Variants in ZNF157 observed in about 807,000 individuals in gnomAD.
ZNF157 encodes the protein zinc finger protein 157, also known as zinc finger protein 22.
Under a neutral mutation model 9.4 loss-of-function variants are expected in ZNF157, and 8 were observed. The ratio of observed to expected loss-of-function variants is 0.85; its 90% confidence interval spans 0.50 to 1.53. The LOEUF is 1.53. Among genes scored for constraint, ZNF157 ranks in the 40% most tolerant of loss-of-function variants. The probability of loss-of-function intolerance (pLI) is 0.00; values close to 1 mark genes in which losing one functional copy is unlikely to be tolerated. For missense variants in ZNF157, 316 were observed against 385.2 expected (o/e 0.82, Z 1.50); for synonymous variants, 120 against 130.8 (o/e 0.92, Z 0.56).
Position 47,413,631 on chromosome X carries a change from C to A in ZNF157, c.*37C>A, listed in dbSNP as rs773511902. 1 of 1,153,994 alleles carries A rather than the reference C, an allele frequency of 8.7e-7. No homozygotes were observed. Among genetic ancestry groups the A allele is most frequent in the East Asian group, 3.0e-5 (1 of 33,388 alleles). The stretch of plus-strand genomic sequence containing the variant: ...ACCATTGGATCAAGCTCCTTGGGGG[C>A]ATATGATCACCAGGGCACACAGTGT... On this transcript the variant is annotated 3_prime_UTR_variant, in exon 4 of 4. Coordinates refer to ENST00000377073, the MANE Select transcript of ZNF157 (RefSeq NM_003446.4).
rs749279958 is a variant in ZNF157, at chrX:47,371,617, A to AT, written c.72+885dup. ...CTAACAGTATATCAATAGTTCATTC[A>AT]TTTTTTTTGAGACAGAGTCTTGCCC... On this transcript the variant is annotated intron_variant, in intron 1 of 3. Coordinates refer to ENST00000377073, the MANE Select transcript of ZNF157 (RefSeq NM_003446.4). 1.2e-4 allele frequency among the ~76,000 whole-genome samples: 13 copies of AT among 110,978 alleles called. 1 individual carries two copies. The highest frequency in any genetic ancestry group is 2.3e-4 in the Non-Finnish European group (12 of 52,894).
chrX:47,378,902 G>A (rs1268628909), intron 1 of ZNF157, among the ~76,000 whole-genome samples: 1 of 111,304 alleles, frequency 9.0e-6, no homozygotes, highest in Non-Finnish European at 1.9e-5. Context: ...AGGGTAGTTT[G>A]GAGGTTAGAA....
At chrX:47,400,058 G>A (rs1024569339) in intron 1 of ZNF157, among the ~76,000 whole-genome samples, 8 of 102,342 alleles carry the variant, frequency 7.8e-5, no homozygotes, top group African/African-American at 1.1e-4. Context: ...GTGCAGTGGC[G>A]CAATTTCGGC....
intron 3 of ZNF157, among the ~76,000 whole-genome samples, chrX:47,411,333 C>T (rs1331714936): frequency 9.1e-6 from 1 of 109,675 alleles, no homozygotes; most frequent in African/African-American, 3.3e-5. Flanking sequence ...TTTATCTCTG[C>T]CTCATCTTAA....
Position 47,413,748 on chromosome X carries a change from T to C in ZNF157, c.*154T>C. On this transcript the variant is annotated 3_prime_UTR_variant, in exon 4 of 4. Transcript: ENST00000377073. The stretch of plus-strand genomic sequence containing the variant: ...TTGTTTTTATTCAGATTTCCCTAAT[T>C]AGTGGTGTGTGAACATCTTATCTGT... 1.1e-6 allele frequency: 1 copy of C among 917,352 alleles called. No homozygotes were observed. The highest frequency in any genetic ancestry group is 3.5e-5 in the South Asian group (1 of 28,179). The allele number at this position is 917,352 out of a possible 1,213,427, so 75.6% of individuals were successfully genotyped here.
intron 1 of ZNF157, among the ~76,000 whole-genome samples, chrX:47,399,376 G>C (rs1389811092): frequency 8.9e-6 from 1 of 111,827 alleles, no homozygotes; most frequent in East Asian, 2.8e-4. Context: ...TATTTTTAAA[G>C]TATAGTTACA....
chrX:47,373,807 C>A (rs1384955682), intron 1 of ZNF157, among the ~76,000 whole-genome samples: 3 of 107,106 alleles, frequency 2.8e-5, no homozygotes, highest in African/African-American at 1.0e-4. Context: ...TTCAAGTGAT[C>A]CTTCCAAGTA....
intron 1 of ZNF157, among the ~76,000 whole-genome samples, chrX:47,378,891 A>G (rs2055852968): frequency 9.0e-6 from 1 of 111,256 alleles, no homozygotes; most frequent in South Asian, 3.8e-4. Flanking sequence ...AGGAATGAAC[A>G]AGGGTAGTTT....
chrX:47,376,431 A>G (rs756136578), intron 1 of ZNF157, among the ~76,000 whole-genome samples: 1 of 111,660 alleles, frequency 9.0e-6, no homozygotes, highest in African/African-American at 3.2e-5. Flanking sequence ...CCTGGCCAAC[A>G]TGGTGAAATC....
chrX:47,386,977 G>A (rs151287011), intron 1 of ZNF157, among the ~76,000 whole-genome samples: 2,103 of 109,870 alleles, frequency 0.019, 19 homozygotes, highest in Middle Eastern at 0.033. Flanking sequence ...TTTTGTTTTT[G>A]TTTTTTTTGA....
intron 1 of ZNF157, among the ~76,000 whole-genome samples, chrX:47,386,758 C>G (rs2055880747): frequency 1.8e-5 from 2 of 111,547 alleles, no homozygotes; most frequent in African/African-American, 6.5e-5. Context: ...CGCCACCCGG[C>G]TCCCAATTTG....
At chrX:47,378,922 AGTTGGTTTAG>A (rs1452036551) in intron 1 of ZNF157, among the ~76,000 whole-genome samples, 5 of 111,248 alleles carry the variant, frequency 4.5e-5, no homozygotes, top group Admixed American at 9.7e-5. Flanking sequence ...AGCAAGACGG[AGTTGGTTTAG>A]GTTGGATCTC....
At chrX:47,410,497 G>C in intron 2 of ZNF157, 95 bp downstream of exon 2, 1 of 1,080,200 alleles carries the variant, frequency 9.3e-7, no homozygotes, top group Non-Finnish European at 1.3e-6. Context: ...ATGATATTAA[G>C]AGTCACAGAT....
At chrX:47,407,712 A>C (rs1405074597) in intron 1 of ZNF157, among the ~76,000 whole-genome samples, 5 of 109,188 alleles carry the variant, frequency 4.6e-5, no homozygotes, top group African/African-American at 1.7e-4. Flanking sequence ...TTTTTTTGAG[A>C]TGGAGCTTGG....
chrX:47,395,388 C>T (rs1202259804), intron 1 of ZNF157, among the ~76,000 whole-genome samples: 1 of 111,628 alleles, frequency 9.0e-6, no homozygotes, highest in Non-Finnish European at 1.9e-5. Flanking sequence ...AATACCTTCA[C>T]AGCAACACCT....
intron 1 of ZNF157, among the ~76,000 whole-genome samples, chrX:47,375,932 C>A (rs1050793976): frequency 2.7e-5 from 3 of 111,300 alleles, no homozygotes; most frequent in African/African-American, 9.8e-5. Context: ...TGGGCTCAAG[C>A]AATTTGCCCA....
At chrX:47,387,700 G>A (rs1190219646) in intron 1 of ZNF157, among the ~76,000 whole-genome samples, 1 of 108,002 alleles carries the variant, frequency 9.3e-6, no homozygotes, top group Non-Finnish European at 1.9e-5. Context: ...TCAGGAGTTC[G>A]AGACCAGCCT....
intron 1 of ZNF157, among the ~76,000 whole-genome samples, chrX:47,395,520 A>G (rs2055910621): frequency 8.9e-6 from 1 of 111,835 alleles, no homozygotes; most frequent in Admixed American, 9.6e-5. Context: ...ATCATACTTA[A>G]TCTCTAAATA....
At chrX:47,377,731 CTTTTT>C (rs1160508436) in intron 1 of ZNF157, among the ~76,000 whole-genome samples, 1 of 86,747 alleles carries the variant, frequency 1.2e-5, no homozygotes, top group Non-Finnish European at 2.2e-5. Flanking sequence ...CATGCCCAGC[CTTTTT>C]TTTTTTTTTT....
Sources: gnomAD v4.1 joint callset for allele counts (sites outside exome capture counted in the v4.1 genomes callset) on GRCh38, gnomAD v4.1.1 for gene constraint, MANE v1.5 for transcripts, NCBI Gene and HGNC (gene_info 2026-07-23, HGNC 2026-07-21) for gene names.